Variants in IL1RAPL1 observed in about 807,000 individuals in gnomAD.
IL1RAPL1 encodes the protein interleukin-1 receptor accessory protein-like 1.
IL1RAPL1 carries 3 observed loss-of-function variants against 48.4 expected under a neutral mutation model. The ratio of observed to expected loss-of-function variants is 0.06; its 90% CI spans 0.03 to 0.16. IL1RAPL1 has a LOEUF of 0.16. Among genes scored for constraint, IL1RAPL1 ranks in the 10% least tolerant of loss-of-function variants. The pLI is 1.00. For missense variants in IL1RAPL1, 349 were observed against 530.6 expected (o/e 0.66, Z 3.36); for synonymous variants, 185 against 187.7 (o/e 0.99, Z 0.12).
intron 6 of IL1RAPL1, among the ~76,000 whole-genome samples, chrX:29,862,857 C>T (rs913535554): frequency 3.7e-5 from 4 of 107,923 alleles, no homozygotes; most frequent in Non-Finnish European, 7.6e-5. Context: ...TTCTGATAGA[C>T]TCTCCCGAAA....
intron 3 of IL1RAPL1, among the ~76,000 whole-genome samples, chrX:29,331,944 A>G (rs985487684): frequency 8.1e-5 from 9 of 110,765 alleles, no homozygotes; most frequent in East Asian, 2.8e-4. Context: ...AAGAAATCAC[A>G]TATGTAAAGA....
intron 2 of IL1RAPL1, among the ~76,000 whole-genome samples, chrX:29,129,885 C>T (rs774825848): frequency 9.0e-5 from 10 of 111,438 alleles, no homozygotes; most frequent in African/African-American, 2.0e-4. Context: ...TGAGCCACTG[C>T]GCCCGGCCAA....
In IL1RAPL1 at chrX:29,313,390, C is replaced by T. The variant is rs746923877; in HGVS notation, c.362+30173C>T. Among the ~76,000 whole-genome samples, 6 of 110,878 alleles carry T rather than the reference C, an allele frequency of 5.4e-5. No homozygotes were observed. The East Asian group carries it at 1.1e-3, about 21-fold the overall frequency. Reference sequence around the variant, plus strand: ...TTCCTTTCTATTTTAATCAAATCTCCGCAAAATAAATAAGGGATATTCTAA... The same window carrying T: ...TTCCTTTCTATTTTAATCAAATCTCTGCAAAATAAATAAGGGATATTCTAA... On this transcript the variant is annotated intron_variant, in intron 3 of 10. Transcript: ENST00000378993.
chrX:28,636,708 G>C (rs1934469343), intron 1 of IL1RAPL1, among the ~76,000 whole-genome samples: 1 of 111,249 alleles, frequency 9.0e-6, no homozygotes, highest in Non-Finnish European at 1.9e-5. Context: ...GAGGAAGAAG[G>C]AATAAGGGAT....
chrX:29,637,619 C>T (rs1925016214), intron 5 of IL1RAPL1, among the ~76,000 whole-genome samples: 2 of 111,417 alleles, frequency 1.8e-5, no homozygotes, highest in Admixed American at 1.9e-4. Context: ...TCCTTGATCT[C>T]TTTAAGCCAA....
chrX:29,116,280 T>C (rs1287471705), intron 2 of IL1RAPL1, among the ~76,000 whole-genome samples: 1 of 110,720 alleles, frequency 9.0e-6, no homozygotes, highest in Admixed American at 9.7e-5. Context: ...AATGATACTT[T>C]AGGAAGATTA....
At chrX:29,565,601 C>T (rs1922373855) in intron 5 of IL1RAPL1, among the ~76,000 whole-genome samples, 1 of 111,980 alleles carries the variant, frequency 8.9e-6, no homozygotes, top group South Asian at 3.6e-4. Flanking sequence ...CTATTTTCTA[C>T]TCACCAGATT....
rs1934673696 is a variant in IL1RAPL1 at position 29,451,122 on chromosome X, A to C, written c.703+51814A>C. 2.7e-5 allele frequency among the ~76,000 whole-genome samples: 3 copies of C among 110,167 alleles called. No individual in the cohort carries two copies. In the South Asian group the frequency reaches 1.1e-3, roughly 42 times the overall value. On this transcript the variant is annotated intron_variant, in intron 5 of 10. Coordinates refer to ENST00000378993, the MANE Select transcript of IL1RAPL1 (RefSeq NM_014271.4). ...CTCTCTCTATACCTAATATTAAAAA[A>C]AAAAAAGAATCTATGGTAATTTTCT...
intron 2 of IL1RAPL1, among the ~76,000 whole-genome samples, chrX:28,876,944 G>A (rs1451405041): frequency 8.9e-6 from 1 of 111,880 alleles, no homozygotes; most frequent in Non-Finnish European, 1.9e-5. Context: ...TTATTTTCCT[G>A]AGAAACTCAT....
chrX:28,922,730 ATTAAAATC>A (rs1336820671), intron 2 of IL1RAPL1, among the ~76,000 whole-genome samples: 2 of 112,168 alleles, frequency 1.8e-5, no homozygotes, highest in East Asian at 5.6e-4. Context: ...CAAAGAATTA[ATTAAAATC>A]TTTTCTTGAA....
intron 6 of IL1RAPL1, among the ~76,000 whole-genome samples, chrX:29,771,768 G>A (rs1034953461): frequency 1.8e-5 from 2 of 111,554 alleles, no homozygotes; most frequent in African/African-American, 6.5e-5. Context: ...TGGTGGCTGT[G>A]TTAGTTTGTT....
Position 29,396,302 on chromosome X carries a change from G to A in IL1RAPL1, c.407G>A (p.Gly136Asp). The change falls in exon 4 of 11, where the codon GGT (glycine) becomes GAT (aspartate). Residue 136 changes from glycine (G) to aspartate (D), a missense_variant. This residue lies in a region of IL1RAPL1 where 238 missense variants were observed against 337.8 expected (regional missense o/e 0.70). Coordinates refer to ENST00000378993, the MANE Select transcript of IL1RAPL1 (RefSeq NM_014271.4). ...CMKVSISLTV[G>D]ENDTGLCYNS... ...AAAGTATCCATCTCACTGACAGTGG[G>A]TGAAAATGACACTGGACTCTGCTAT... 1.7e-6 allele frequency: 2 copies of A among 1,207,827 alleles called. No individual in the cohort carries two copies. The highest frequency in any genetic ancestry group is 2.2e-6 in the Non-Finnish European group (2 of 891,818).
At chrX:29,310,068 TG>T (rs1366927173) in intron 3 of IL1RAPL1, among the ~76,000 whole-genome samples, 1 of 77,478 alleles carries the variant, frequency 1.3e-5, no homozygotes, top group Non-Finnish European at 2.2e-5. Flanking sequence ...CACTCCAGCT[TG>T]GGCGACAGAG....
chrX:29,760,877 A>AT (rs937718306), intron 6 of IL1RAPL1, among the ~76,000 whole-genome samples: 2 of 111,939 alleles, frequency 1.8e-5, no homozygotes, highest in African/African-American at 6.5e-5. Flanking sequence ...TCATTCAACA[A>AT]TTTTTTTATT....
intron 6 of IL1RAPL1, among the ~76,000 whole-genome samples, chrX:29,797,208 G>A (rs774453735): frequency 2.0e-4 from 22 of 112,195 alleles, no homozygotes; most frequent in East Asian, 8.4e-4. Context: ...CTTCTCTTCC[G>A]TTGTACTCTA....
At chrX:29,259,555 T>C (rs1332346457) in intron 2 of IL1RAPL1, among the ~76,000 whole-genome samples, 4 of 111,171 alleles carry the variant, frequency 3.6e-5, no homozygotes, top group Non-Finnish European at 7.6e-5. Context: ...AATAACTATA[T>C]GTCACAAAAA....
intron 1 of IL1RAPL1, among the ~76,000 whole-genome samples, chrX:28,713,988 A>G (rs769922011): frequency 8.9e-6 from 1 of 112,295 alleles, no homozygotes; most frequent in Admixed American, 9.5e-5. Flanking sequence ...GTGAATTTCA[A>G]TGAGTTTTCA....
intron 2 of IL1RAPL1, among the ~76,000 whole-genome samples, chrX:28,969,941 C>A (rs978707287): frequency 9.1e-6 from 1 of 109,714 alleles, no homozygotes; most frequent in Non-Finnish European, 1.9e-5. Context: ...ATATATGTTT[C>A]TAAACACATA....
At chrX:29,473,614 C>G (rs1423073318) in intron 5 of IL1RAPL1, among the ~76,000 whole-genome samples, 1 of 91,463 alleles carries the variant, frequency 1.1e-5, no homozygotes, top group Non-Finnish European at 2.2e-5. Flanking sequence ...CACGACCCCT[C>G]AGAACACAGG....
Sources: gnomAD v4.1 joint callset for allele counts (sites outside exome capture counted in the v4.1 genomes callset) on GRCh38, gnomAD v4.1.1 for gene constraint, gnomAD v4.1.1 regional missense constraint, MANE v1.5 for transcripts, NCBI Gene and HGNC (gene_info 2026-07-23, HGNC 2026-07-21) for gene names.